Variants in HIP1 observed in about 807,000 individuals in gnomAD.
HIP1 encodes the protein huntingtin interacting protein 1.
Under a neutral mutation model 147.6 loss-of-function variants are expected in HIP1, and 65 were observed. The observed-to-expected ratio is 0.44, with a 90% CI of 0.36 to 0.54. The LOEUF is 0.54. Among genes scored for constraint, HIP1 ranks in the 20% least tolerant of loss-of-function variants. The pLI, the probability that HIP1 is intolerant of heterozygous loss-of-function variation, is 0.00. For synonymous variants in HIP1, 479 were observed against 504.0 expected, an observed-to-expected ratio of 0.95 and a Z score of 0.67; for missense variants, 1,061 against 1,299.6, an observed-to-expected ratio of 0.82 and a Z score of 2.82.
At chr7:75,705,962 G>C (rs1242355681) in intron 1 of HIP1, among the ~76,000 whole-genome samples, 1 of 151,888 alleles carries the variant, frequency 6.6e-6, no homozygotes, top group Non-Finnish European at 1.5e-5. Flanking sequence ...CGCGATCTTG[G>C]CTCACTGCAA....
At chr7:75,693,801 AAGAGAGAG>A (rs1418491772) in intron 1 of HIP1, among the ~76,000 whole-genome samples, 2 of 151,744 alleles carry the variant, frequency 1.3e-5, no homozygotes, top group Non-Finnish European at 2.9e-5. Flanking sequence ...GGGGGAGAGA[AAGAGAGAG>A]AGAAAGAAAG....
At chr7:75,630,698 G>A (rs1798182919) in intron 1 of HIP1, among the ~76,000 whole-genome samples, 1 of 151,996 alleles carries the variant, frequency 6.6e-6, no homozygotes, top group African/African-American at 2.4e-5. Context: ...GTTGCCGGCT[G>A]GTTAACCCCA....
At chr7:75,717,984 A>G (rs898649529) in intron 1 of HIP1, among the ~76,000 whole-genome samples, 1 of 151,738 alleles carries the variant, frequency 6.6e-6, no homozygotes, top group East Asian at 1.9e-4. Context: ...AAGAAAAAAA[A>G]AAAAAGAATT....
chr7:75,714,614 G>A (rs1055034194), intron 1 of HIP1, among the ~76,000 whole-genome samples: 5 of 151,634 alleles, frequency 3.3e-5, no homozygotes, highest in South Asian at 2.1e-4. Context: ...CACCATGCCC[G>A]GCTAATTTTT....
intron 1 of HIP1, among the ~76,000 whole-genome samples, chr7:75,601,115 G>T (rs1011557941): frequency 6.6e-6 from 1 of 151,908 alleles, no homozygotes; most frequent in Admixed American, 6.6e-5. Context: ...TTTTTAAAGA[G>T]TTTGTTTTTT....
chr7:75,593,900 C>A (rs1413731884), intron 2 of HIP1, among the ~76,000 whole-genome samples: 1 of 151,942 alleles, frequency 6.6e-6, no homozygotes, highest in Non-Finnish European at 1.5e-5. Context: ...TTAAATTCCC[C>A]ATATATGGAA....
chr7:75,564,939 A>C (rs1459722018), intron 9 of HIP1, among the ~76,000 whole-genome samples: 2 of 151,804 alleles, frequency 1.3e-5, no homozygotes, highest in Non-Finnish European at 2.9e-5. Context: ...TGTGTCACCC[A>C]GGCTGAAGTG....
At chr7:75,627,421 C>T (rs1470423824) in intron 1 of HIP1, among the ~76,000 whole-genome samples, 3 of 152,068 alleles carry the variant, frequency 2.0e-5, no homozygotes, top group African/African-American at 7.2e-5. Flanking sequence ...ATTTTGAACC[C>T]CAGGACCCAA....
intron 1 of HIP1, among the ~76,000 whole-genome samples, chr7:75,684,669 C>T (rs1419396728): frequency 6.6e-6 from 1 of 152,052 alleles, no homozygotes; most frequent in African/African-American, 2.4e-5. Context: ...TAGATGAACA[C>T]TTAGGTTGCT....
At chr7:75,594,325 C>T (rs1011664594) in intron 2 of HIP1, among the ~76,000 whole-genome samples, 4 of 151,712 alleles carry the variant, frequency 2.6e-5, no homozygotes, top group East Asian at 2.0e-4. Flanking sequence ...CCTGAACACC[C>T]GACTTCTTCC....
At chr7:75,656,157 A>G (rs974712180) in intron 1 of HIP1, among the ~76,000 whole-genome samples, 3 of 152,076 alleles carry the variant, frequency 2.0e-5, no homozygotes, top group Admixed American at 6.6e-5. Context: ...GACAATGGCA[A>G]ACTTTATGTT....
intron 9 of HIP1, among the ~76,000 whole-genome samples, chr7:75,565,708 C>T (rs1263823491): frequency 1.3e-5 from 2 of 151,056 alleles, no homozygotes; most frequent in Non-Finnish European, 2.9e-5. Flanking sequence ...TTCCCTTTTG[C>T]CTGGTTTCGC....
rs781853649 is a variant in HIP1 at position 75,568,191 on chromosome 7, C to A, written c.803+8G>T. 1.9e-6 allele frequency: 3 copies of A among 1,601,548 alleles called. No homozygotes were observed. In the South Asian group the frequency reaches 3.3e-5, roughly 18 times the overall value. On this transcript the variant is annotated splice_region_variant and intron_variant, in intron 9 of 30. Coordinates refer to ENST00000336926, the MANE Select transcript of HIP1 (RefSeq NM_005338.7). This position sits in a 1 kb window ranked among gnomAD's most constrained non-coding sequence, Gnocchi z 4.1. ...TTCACCTCCATTCCTGTTACTTGAACCACTTACTTTGTAAACTGCTCCATG... is the reference window on the plus strand; with the variant it reads ...TTCACCTCCATTCCTGTTACTTGAAACACTTACTTTGTAAACTGCTCCATG...
intron 7 of HIP1, 92 bp downstream of exon 7, chr7:75,581,145 C>T: frequency 2.1e-6 from 2 of 943,044 alleles, no homozygotes; most frequent in South Asian, 2.9e-5. Flanking sequence ...CATTTTCCTA[C>T]CCCTTGTGCT....
At chr7:75,706,186 T>A (rs1340228906) in intron 1 of HIP1, among the ~76,000 whole-genome samples, 2 of 152,150 alleles carry the variant, frequency 1.3e-5, no homozygotes, top group African/African-American at 4.8e-5. Flanking sequence ...TAAGCCACCA[T>A]GCCCGGGTTA....
At chr7:75,693,127 T>G (rs1478122092) in intron 1 of HIP1, among the ~76,000 whole-genome samples, 2 of 150,856 alleles carry the variant, frequency 1.3e-5, no homozygotes, top group Non-Finnish European at 2.9e-5. Context: ...ATCATGCCAC[T>G]GCACTCTAGC....
At chr7:75,721,147 C>A (rs1289563186) in intron 1 of HIP1, among the ~76,000 whole-genome samples, 2 of 151,694 alleles carry the variant, frequency 1.3e-5, no homozygotes, top group African/African-American at 4.8e-5. Flanking sequence ...GAGGCCAAAG[C>A]GGGTGGATCA....
At position 75,592,371 on chromosome 7, in the gene HIP1, C is replaced by G; in HGVS notation, c.327+1G>C. On this transcript the variant is annotated splice_donor_variant, in intron 3 of 30. Coordinates refer to ENST00000336926, the MANE Select transcript of HIP1 (RefSeq NM_005338.7). LOFTEE classifies it high-confidence loss of function. Reference sequence around the variant, plus strand: ...GCCACCCCATAGCCCCAGGAACTCACGTTCGGGTGTCCATCTCGGAGGAGT... The same window carrying G: ...GCCACCCCATAGCCCCAGGAACTCAGGTTCGGGTGTCCATCTCGGAGGAGT... 1 of 1,603,570 alleles carries G rather than the reference C, an allele frequency of 6.2e-7. No individual in the cohort carries two copies. Among genetic ancestry groups the G allele is most frequent in the Non-Finnish European group, 8.5e-7 (1 of 1,176,092 alleles).
At chr7:75,613,295 T>C (rs1328650539) in intron 1 of HIP1, among the ~76,000 whole-genome samples, 2 of 152,034 alleles carry the variant, frequency 1.3e-5, no homozygotes, top group Admixed American at 6.6e-5. Context: ...AGGTGAGGCA[T>C]GAAAGCCAAA....
Sources: allele counts gnomAD v4.1 joint callset (sites outside exome capture counted in the v4.1 genomes callset), GRCh38; gene constraint gnomAD v4.1.1; non-coding constraint Gnocchi (gnomAD v3.1); transcripts MANE v1.5; gene names NCBI Gene and HGNC (gene_info 2026-07-23, HGNC 2026-07-21).